The following ABTB3 variants were observed in gnomAD, a reference collection of about 807,000 sequenced individuals.
ABTB3 encodes ankyrin repeat and BTB domain containing 3, also known as ankyrin repeat- and BTB/POZ domain-containing protein 3.
At chr12:107,369,221 A>G in the ABTB3 span, among the ~76,000 whole-genome samples, 1 of 152,044 alleles carries the variant, frequency 6.6e-6, no homozygotes, top group Non-Finnish European at 1.5e-5. Flanking sequence ...TTAGCTTTGT[A>G]ACTTTGCTTT....
the ABTB3 span, among the ~76,000 whole-genome samples, chr12:107,349,684 T>C: frequency 1.1e-3 from 160 of 152,342 alleles, 1 homozygote; most frequent in African/African-American, 3.1e-3. Flanking sequence ...GCAATTAAAT[T>C]TGAATGTCAG....
chr12:107,362,615 A>G, the ABTB3 span, among the ~76,000 whole-genome samples: 1 of 152,194 alleles, frequency 6.6e-6, no homozygotes, highest in Admixed American at 6.5e-5. Flanking sequence ...CAACATAGTG[A>G]GACCCAGTCT....
chr12:107,649,223 C>G, the ABTB3 span: 1 of 1,613,332 alleles, frequency 6.2e-7, no homozygotes, highest in Non-Finnish European at 8.5e-7. Context: ...TGCAGTATCT[C>G]TACTATGGTG....
chr12:107,591,716 C>T, the ABTB3 span, among the ~76,000 whole-genome samples: 7,580 of 152,288 alleles, frequency 0.05, 609 homozygotes, highest in African/African-American at 0.17. Flanking sequence ...CTCATGCCCT[C>T]TCTTATATCT....
At chr12:107,653,388 G>T in the ABTB3 span, among the ~76,000 whole-genome samples, 2 of 152,020 alleles carry the variant, frequency 1.3e-5, no homozygotes, top group Non-Finnish European at 2.9e-5. Context: ...ATGGTGGCGG[G>T]CGCCTGTAGT....
the ABTB3 span, among the ~76,000 whole-genome samples, chr12:107,326,922 C>G: frequency 6.6e-6 from 1 of 152,164 alleles, no homozygotes; most frequent in Non-Finnish European, 1.5e-5. Flanking sequence ...GGTCCTGATT[C>G]TTCTCCTGAT....
At chr12:107,482,995 TC>T in the ABTB3 span, among the ~76,000 whole-genome samples, 2 of 119,624 alleles carry the variant, frequency 1.7e-5, no homozygotes, top group South Asian at 2.6e-4. Context: ...TTTCCTTCCT[TC>T]CTTCCTTCCT....
At chr12:107,425,935 C>T in the ABTB3 span, among the ~76,000 whole-genome samples, 1 of 152,348 alleles carries the variant, frequency 6.6e-6, no homozygotes, top group Admixed American at 6.5e-5. Flanking sequence ...TCCATCACAG[C>T]CTTCTGAGTC....
the ABTB3 span, among the ~76,000 whole-genome samples, chr12:107,397,971 A>C: frequency 6.6e-6 from 1 of 152,002 alleles, no homozygotes; most frequent in Non-Finnish European, 1.5e-5. Context: ...CCTGGATAGG[A>C]ATAATTCCTT....
At chr12:107,581,013 G>T in the ABTB3 span, 9 of 1,552,078 alleles carry the variant, frequency 5.8e-6, no homozygotes, top group Admixed American at 2.0e-5. Context: ...CAGAGGCAGG[G>T]TCTCCAGGGA....
the ABTB3 span, among the ~76,000 whole-genome samples, chr12:107,603,663 C>T: frequency 2.6e-5 from 4 of 152,070 alleles, no homozygotes; most frequent in Non-Finnish European, 4.4e-5. Context: ...TTGGTGATGA[C>T]TCCAAAAGTA....
chr12:107,617,566 C>G, the ABTB3 span: 1 of 1,236,158 alleles, frequency 8.1e-7, no homozygotes, highest in South Asian at 1.6e-5. Context: ...GGTCCAGGCC[C>G]CAGGTCTGGC....
At chr12:107,351,915 C>A in the ABTB3 span, among the ~76,000 whole-genome samples, 4 of 152,156 alleles carry the variant, frequency 2.6e-5, no homozygotes, top group African/African-American at 4.8e-5. Context: ...ATGAGTCAGG[C>A]TGAGGTAGGA....
chr12:107,444,612 C>T, the ABTB3 span, among the ~76,000 whole-genome samples: 1 of 152,226 alleles, frequency 6.6e-6, no homozygotes, highest in Non-Finnish European at 1.5e-5. Context: ...AGAAACCACA[C>T]ATGAGCAGTC....
At chr12:107,635,854 C>A in the ABTB3 span, among the ~76,000 whole-genome samples, 2 of 76,558 alleles carry the variant, frequency 2.6e-5, no homozygotes, top group Non-Finnish European at 5.4e-5. Flanking sequence ...GGAACAACCC[C>A]CCCCCCCCCA....
chr12:107,374,413 A>G, the ABTB3 span, among the ~76,000 whole-genome samples: 1 of 151,986 alleles, frequency 6.6e-6, no homozygotes, highest in African/African-American at 2.4e-5. Flanking sequence ...CTCTCTCCTC[A>G]TGTCCCCCTC....
chr12:107,617,126 TGGAGCATGGCGA>T, the ABTB3 span: 2 of 1,614,156 alleles, frequency 1.2e-6, no homozygotes, highest in Non-Finnish European at 1.7e-6. Context: ...GAAGGCTCAG[TGGAGCATGGCGA>T]GGAGAACTAC....
chr12:107,553,987 A>AGAGGGAT, the ABTB3 span, among the ~76,000 whole-genome samples: 1 of 152,170 alleles, frequency 6.6e-6, no homozygotes, highest in Non-Finnish European at 1.5e-5. Context: ...AGGGATGCTG[A>AGAGGGAT]GCAGGGAGGT....
the ABTB3 span, among the ~76,000 whole-genome samples, chr12:107,342,625 A>T: frequency 1.1e-4 from 16 of 152,212 alleles, no homozygotes; most frequent in African/African-American, 3.9e-4. Flanking sequence ...GTCAAGTCCA[A>T]GCTCCTCATC....
Sources: allele counts gnomAD v4.1 joint callset (sites outside exome capture counted in the v4.1 genomes callset), GRCh38; gene constraint gnomAD v4.1.1; transcripts MANE v1.5; gene names NCBI Gene and HGNC (gene_info 2026-07-23, HGNC 2026-07-21).